Variants in TTLL5 observed in about 807,000 individuals in gnomAD.
TTLL5 encodes the protein tubulin polyglutamylase TTLL5.
Under a neutral mutation model 168.4 loss-of-function variants are expected in TTLL5, and 132 were observed. The ratio of observed to expected loss-of-function variants is 0.78; its 90% CI spans 0.68 to 0.91. The LOEUF (loss-of-function observed/expected upper bound fraction) is 0.91, where lower values mean the gene tolerates loss of function less well. Among genes scored for constraint, TTLL5 ranks in the 40% least tolerant of loss-of-function variants. The pLI is 0.00. For synonymous variants in TTLL5, 546 were observed against 558.6 expected, an observed-to-expected ratio of 0.98 and a Z score of 0.32; for missense variants, 1,545 against 1,581.5, an observed-to-expected ratio of 0.98 and a Z score of 0.39.
At chr14:75,749,789 A>G (rs760281347) in intron 17 of TTLL5, among the ~76,000 whole-genome samples, 4 of 152,134 alleles carry the variant, frequency 2.6e-5, no homozygotes, top group Non-Finnish European at 5.9e-5. Flanking sequence ...CAAATATGCT[A>G]TTTTATTAGT....
intron 28 of TTLL5, chr14:75,835,573 A>G (rs963276126): frequency 1.3e-5 from 2 of 152,212 alleles, no homozygotes; most frequent in African/African-American, 4.8e-5. Context: ...TTCATCTGAC[A>G]AAGAGAACCA....
In TTLL5 at chr14:75,766,071, A is replaced by G. The variant is rs746942017; in HGVS notation, c.1718A>G (p.Gln573Arg). 3.1e-6 allele frequency: 5 copies of G among 1,610,770 alleles called. No individual in the cohort carries two copies. The African/African-American group carries it at 6.7e-5, about 22-fold the overall frequency. ...AMRPKYPVITQPAEMNVKTET... is the reference protein window; with the variant it reads ...AMRPKYPVITRPAEMNVKTET... ...GATTCTTCGTATTTAGTGATTACCC[A>G]ACCAGCTGAAATGAATGTTAAAACT... Residue 573 changes from glutamine (Q) to arginine (R), a missense_variant, in exon 20 of 32, where the codon CAA becomes CGA. Coordinates refer to ENST00000298832, the MANE Select transcript of TTLL5 (RefSeq NM_015072.5).
intron 30 of TTLL5, among the ~76,000 whole-genome samples, chr14:75,898,869 T>C (rs1052232006): frequency 6.6e-6 from 1 of 152,222 alleles, no homozygotes; most frequent in Non-Finnish European, 1.5e-5. Flanking sequence ...TTTTGTCTTA[T>C]AGGCTGCCAG....
chr14:75,781,784 G>A (rs752887962), intron 24 of TTLL5, among the ~76,000 whole-genome samples: 1 of 151,970 alleles, frequency 6.6e-6, no homozygotes, highest in Admixed American at 6.6e-5. Context: ...GTGAAAGCCT[G>A]TCTCTACTAA....
At chr14:75,886,488 C>T (rs2032127750) in intron 30 of TTLL5, among the ~76,000 whole-genome samples, 1 of 152,116 alleles carries the variant, frequency 6.6e-6, no homozygotes, top group African/African-American at 2.4e-5. Context: ...CTCTTTAATC[C>T]TGATGCTTTC....
intron 19 of TTLL5, 63 bp from the exon 20 acceptor site, chr14:75,765,999 G>T: frequency 7.0e-7 from 1 of 1,427,556 alleles, no homozygotes; most frequent in East Asian, 2.3e-5. Context: ...AGAAAAGGAA[G>T]GTATTGGGAG....
At chr14:75,804,194 C>A (rs954315443) in intron 27 of TTLL5, among the ~76,000 whole-genome samples, 3 of 152,122 alleles carry the variant, frequency 2.0e-5, no homozygotes. Flanking sequence ...AAAAAAAAAT[C>A]CATTCTATTT....
chr14:75,758,707 T>C (rs1890438035), intron 18 of TTLL5, among the ~76,000 whole-genome samples: 1 of 152,168 alleles, frequency 6.6e-6, no homozygotes, highest in Admixed American at 6.5e-5. Flanking sequence ...ACAGAGTATG[T>C]TCTTTGGCCC....
At chr14:75,663,446 CTT>C (rs1224476131) in intron 2 of TTLL5, among the ~76,000 whole-genome samples, 1 of 152,184 alleles carries the variant, frequency 6.6e-6, no homozygotes, top group African/African-American at 2.4e-5. Context: ...ATAAGGCTCT[CTT>C]TCTGGGCCCA....
intron 3 of TTLL5, among the ~76,000 whole-genome samples, chr14:75,677,895 G>A (rs571072421): frequency 1.3e-5 from 2 of 151,512 alleles, no homozygotes; most frequent in East Asian, 1.9e-4. Flanking sequence ...GCCTCCCATC[G>A]TACTGGGATT....
At chr14:75,929,953 A>C (rs1212535320) in intron 31 of TTLL5, among the ~76,000 whole-genome samples, 3 of 152,232 alleles carry the variant, frequency 2.0e-5, no homozygotes, top group Non-Finnish European at 4.4e-5. Context: ...CATTATTTGG[A>C]AAAATAAAAA....
intron 7 of TTLL5, 98 bp downstream of exon 7, chr14:75,699,368 AGGTG>A: frequency 5.5e-6 from 6 of 1,085,310 alleles, no homozygotes; most frequent in Non-Finnish European, 8.3e-6. Flanking sequence ...CATTAAGAGC[AGGTG>A]TGCTCTTCTT....
intron 30 of TTLL5, chr14:75,886,584 C>A: frequency 8.3e-7 from 1 of 1,209,040 alleles, no homozygotes; most frequent in Non-Finnish European, 1.2e-6. Context: ...TTAGCTAAAT[C>A]TCATTTGTCA....
chr14:75,906,584 G>A lies in TTLL5; in HGVS notation c.3823+4360G>A, dbSNP rs112355671. On this transcript the variant is annotated intron_variant, in intron 31 of 31. Coordinates refer to ENST00000298832, the MANE Select transcript of TTLL5 (RefSeq NM_015072.5). Reference sequence around the variant, plus strand: ...TTTGGATACTCCCCAAGTTATTTTCGCCACATCCAAACCCTTGCCCACACA... The same window carrying A: ...TTTGGATACTCCCCAAGTTATTTTCACCACATCCAAACCCTTGCCCACACA... 70 of 985,628 alleles carry A rather than the reference G, an allele frequency of 7.1e-5. No individual in the cohort carries two copies. In the African/African-American group the frequency reaches 1.0e-3, roughly 14 times the overall value. 61.1% of individuals were successfully genotyped at this position (985,628 alleles called of 1,614,324 possible).
chr14:75,869,821 A>ATTT lies in TTLL5; in HGVS notation c.3522+5973_3522+5975dup, dbSNP rs10658095. ...CTTGCAATGTATACATTCAACAAGT[A>ATTT]TTTTTTTTTTTTTTTTGCGATGGAG... On this transcript the variant is annotated intron_variant, in intron 29 of 31. Transcript: ENST00000298832. 9.2e-4 allele frequency among the ~76,000 whole-genome samples: 76 copies of ATTT among 82,414 alleles called. 8 individuals are homozygous for ATTT. Among genetic ancestry groups the ATTT allele is most frequent in the African/African-American group, 7.0e-4 (14 of 20,008 alleles). The allele number at this position is 82,414 out of a possible 152,430, so 54.1% of individuals were successfully genotyped here. A position where few individuals can be genotyped will look rare whatever the true frequency, so the allele number is the denominator to read the frequency against.
chr14:75,930,722 T>C (rs1016401380), intron 31 of TTLL5: 3 of 777,650 alleles, frequency 3.9e-6, no homozygotes, highest in Non-Finnish European at 4.7e-6. Context: ...AAAGAAGCGA[T>C]TTCACCTGGT....
intron 18 of TTLL5, among the ~76,000 whole-genome samples, chr14:75,754,873 G>A (rs949099164): frequency 1.2e-4 from 18 of 152,070 alleles, no homozygotes; most frequent in African/African-American, 4.3e-4. Flanking sequence ...GAGGATGTAA[G>A]TTTTTTTCTA....
intron 20 of TTLL5, among the ~76,000 whole-genome samples, chr14:75,768,040 A>G (rs898422437): frequency 2.0e-5 from 3 of 152,360 alleles, no homozygotes; most frequent in East Asian, 1.9e-4. Flanking sequence ...CTAAAGTCCA[A>G]TAGACAGGTG....
rs372559224 is a variant in TTLL5, at chr14:75,906,091, G to A, written c.3823+3867G>A. Among the ~76,000 whole-genome samples, 12 of 152,268 alleles carry A rather than the reference G, an allele frequency of 7.9e-5. No homozygotes were observed. In the East Asian group the frequency reaches 2.1e-3, roughly 27 times the overall value. ...CAGTGTGACTCTGACTGCCCACTTC[G>A]TTGGGTCCCTGAGACAACAAGAGAA... On this transcript the variant is annotated intron_variant, in intron 31 of 31. Transcript: ENST00000298832.
Sources: allele counts gnomAD v4.1 joint callset (sites outside exome capture counted in the v4.1 genomes callset), GRCh38; gene constraint gnomAD v4.1.1; transcripts MANE v1.5; gene names NCBI Gene and HGNC (gene_info 2026-07-23, HGNC 2026-07-21).